CEP83: variants seen among roughly 807,000 people sequenced by gnomAD.
The protein encoded by CEP83 is centrosomal protein of 83 kDa.
Under a neutral mutation model 101.9 loss-of-function variants are expected in CEP83, and 70 were observed. That is an observed-to-expected ratio of 0.69 (90% CI 0.57 to 0.84). The LOEUF (loss-of-function observed/expected upper bound fraction) is 0.84. CEP83 is among the 40% of genes least tolerant of loss of function. CEP83 has a pLI of 0.00. For missense variants in CEP83, 715 were observed against 787.2 expected (o/e 0.91, Z 1.10); for synonymous variants, 264 against 267.9 (o/e 0.99, Z 0.14).
At chr12:94,283,822 G>A in the CEP83 span, among the ~76,000 whole-genome samples, 2 of 152,156 alleles carry the variant, frequency 1.3e-5, no homozygotes, top group Non-Finnish European at 2.9e-5. Flanking sequence ...GGTGGCTCAC[G>A]CCTGTAATCC....
Position 94,424,441 on chromosome 12 carries a change from A to G in CEP83, c.-102+10834T>C, listed in dbSNP as rs186403754. 6.2e-6 allele frequency: 10 copies of G among 1,613,942 alleles called. No individual in the cohort carries two copies. In the East Asian group the frequency reaches 2.2e-4, roughly 36 times the overall value. ...TGGACTCCATCCTTGCAAAGCCAACACCTCTGCTGGTCCCACTGGTATCTC... is the reference window on the plus strand; with the variant it reads ...TGGACTCCATCCTTGCAAAGCCAACGCCTCTGCTGGTCCCACTGGTATCTC... On this transcript the variant is annotated intron_variant, in intron 2 of 16. Transcript: ENST00000397809.
chr12:94,376,742 TATATA>T (rs746139181), intron 7 of CEP83, among the ~76,000 whole-genome samples: 9,035 of 120,496 alleles, frequency 0.075, 408 homozygotes, highest in Admixed American at 0.13. Context: ...CATATATATA[TATATA>T]TTTTTTTTTT....
intron 11 of CEP83, among the ~76,000 whole-genome samples, chr12:94,346,343 G>A (rs935482476): frequency 4.6e-5 from 7 of 151,244 alleles, no homozygotes; most frequent in East Asian, 1.9e-4. Context: ...GTGGGCCACC[G>A]CACCTGGCCT....
intron 2 of CEP83, among the ~76,000 whole-genome samples, chr12:94,434,851 G>C (rs1358160340): frequency 1.3e-5 from 2 of 152,120 alleles, no homozygotes; most frequent in Non-Finnish European, 2.9e-5. Flanking sequence ...CCTGCATTTT[G>C]ACTGCAACCC....
At chr12:94,442,437 G>A (rs1211617268) in intron 1 of CEP83, among the ~76,000 whole-genome samples, 1 of 152,124 alleles carries the variant, frequency 6.6e-6, no homozygotes, top group Non-Finnish European at 1.5e-5. Flanking sequence ...AGTGATGGGT[G>A]CAGGAAAATC....
At position 94,420,989 on chromosome 12, in the gene CEP83, G is replaced by C. The variant is rs187783758; in HGVS notation, c.-101-8398C>G. Among the ~76,000 whole-genome samples the C allele has an allele frequency of 1.8e-4, 28 of 152,030 alleles. No homozygotes were observed. In the East Asian group the frequency reaches 5.4e-3, roughly 29 times the overall value. On this transcript the variant is annotated intron_variant, in intron 2 of 16. Coordinates refer to ENST00000397809, the MANE Select transcript of CEP83 (RefSeq NM_016122.3). ...TATATGGAGGTTTGCTTTGTAACTT[G>C]CTTTGTAAATCACTCAGCTGTACAT...
chr12:94,290,876 C>A, the CEP83 span, among the ~76,000 whole-genome samples: 1 of 152,330 alleles, frequency 6.6e-6, no homozygotes, highest in Admixed American at 6.5e-5. Flanking sequence ...CAGGGTCAGT[C>A]CTCCAGAAAC....
the CEP83 span, among the ~76,000 whole-genome samples, chr12:94,268,694 A>C: frequency 3.4e-5 from 5 of 147,418 alleles, no homozygotes; most frequent in South Asian, 2.1e-4. Context: ...TCTGGGGTTC[A>C]AGCGATTCTC....
At chr12:94,379,273 A>G (rs935407546) in intron 6 of CEP83, among the ~76,000 whole-genome samples, 6 of 152,156 alleles carry the variant, frequency 3.9e-5, no homozygotes, top group African/African-American at 1.4e-4. Context: ...TGGTGTCTAG[A>G]ACAGGGCTTA....
intron 7 of CEP83, among the ~76,000 whole-genome samples, chr12:94,376,925 A>G (rs960912700): frequency 6.6e-6 from 1 of 151,930 alleles, no homozygotes; most frequent in Non-Finnish European, 1.5e-5. Context: ...CTTTTTGTAG[A>G]GACAGGGTTT....
chr12:94,305,630 C>T (rs2136243851), downstream of CEP83: 1 of 201,206 alleles, frequency 5.0e-6, no homozygotes, highest in Admixed American at 5.6e-5. Flanking sequence ...AAAACTACAG[C>T]TATGTAGCAC....
chr12:94,376,745 A>T (rs55688770), intron 7 of CEP83, among the ~76,000 whole-genome samples: 7,629 of 112,096 alleles, frequency 0.068, 285 homozygotes, highest in Non-Finnish European at 0.1. Context: ...ATATATATAT[A>T]TATTTTTTTT....
intron 11 of CEP83, among the ~76,000 whole-genome samples, chr12:94,356,425 C>T (rs2060478281): frequency 6.6e-6 from 1 of 152,190 alleles, no homozygotes; most frequent in Admixed American, 6.5e-5. Flanking sequence ...AATGACCCCC[C>T]AGATCTTTCT....
At chr12:94,374,391 C>T (rs2061433492) in intron 8 of CEP83, among the ~76,000 whole-genome samples, 1 of 152,118 alleles carries the variant, frequency 6.6e-6, no homozygotes, top group Non-Finnish European at 1.5e-5. Context: ...CAATGTGCTG[C>T]AAATACTACG....
the CEP83 span, among the ~76,000 whole-genome samples, chr12:94,281,104 C>T: frequency 6.6e-6 from 1 of 152,202 alleles, no homozygotes. Flanking sequence ...CATGGTGAAA[C>T]TCTGTCTCTA....
intron 11 of CEP83, among the ~76,000 whole-genome samples, chr12:94,352,332 A>C (rs1278421942): frequency 1.3e-5 from 2 of 151,830 alleles, no homozygotes; most frequent in Non-Finnish European, 2.9e-5. Context: ...TGGCAGGAAA[A>C]TCGCTTAAAC....
the CEP83 span, among the ~76,000 whole-genome samples, chr12:94,294,774 G>A: frequency 1.6e-4 from 25 of 152,314 alleles, no homozygotes; most frequent in Non-Finnish European, 3.1e-4. Flanking sequence ...CTGAGGAAGT[G>A]GCTGCCTCTT....
intron 2 of CEP83, among the ~76,000 whole-genome samples, chr12:94,413,782 AAT>A (rs1220661080): frequency 1.4e-5 from 2 of 142,578 alleles, no homozygotes; most frequent in Admixed American, 7.1e-5. Flanking sequence ...TTTTAATTAA[AAT>A]AGTTGTCTCC....
At position 94,400,909 on chromosome 12, in the gene CEP83, G is replaced by A. The variant is rs1387712255; in HGVS notation, c.490C>T (p.His164Tyr). 3 of 1,515,270 alleles carry A rather than the reference G, an allele frequency of 2.0e-6. No individual in the cohort carries two copies. The highest frequency in any genetic ancestry group is 2.7e-6 in the Non-Finnish European group (3 of 1,128,244). 93.9% of individuals were successfully genotyped at this position (1,515,270 alleles called of 1,614,324 possible). Residue 164 changes from histidine to tyrosine, a missense_variant, in exon 6 of 17, where the codon CAC becomes TAC. Transcript: ENST00000397809. The stretch of plus-strand genomic sequence containing the variant: ...ATACGTGCATACTCTTCCTTCTGGT[G>A]TTCAAATTCTGACTTGAGAAATGTA... ...EHTFLKSEFE[H>Y]QKEEYARILD...
Sources: allele counts gnomAD v4.1 joint callset (sites outside exome capture counted in the v4.1 genomes callset), GRCh38; gene constraint gnomAD v4.1.1; transcripts MANE v1.5; gene names NCBI Gene and HGNC (gene_info 2026-07-23, HGNC 2026-07-21).